C7orf78: variants seen among roughly 807,000 people sequenced by gnomAD.
The protein encoded by C7orf78 is chromosome 7 open reading frame 78.
chr7:12,511,641 G>A, the C7orf78 span, among the ~76,000 whole-genome samples: 4 of 152,188 alleles, frequency 2.6e-5, no homozygotes, highest in East Asian at 7.7e-4. Context: ...AAATAAAATT[G>A]CCTTCTTGAT....
the C7orf78 span, among the ~76,000 whole-genome samples, chr7:12,494,614 G>A: frequency 1.2e-5 from 1 of 83,054 alleles, no homozygotes; most frequent in Admixed American, 1.3e-4. Flanking sequence ...CTCATGCATA[G>A]CCCTACTTTG....
At chr7:12,528,692 G>C in the C7orf78 span, among the ~76,000 whole-genome samples, 1 of 152,160 alleles carries the variant, frequency 6.6e-6, no homozygotes, top group Non-Finnish European at 1.5e-5. Flanking sequence ...ATAAAAGGTG[G>C]GATTGGAGTT....
chr7:12,493,103 G>A, the C7orf78 span, among the ~76,000 whole-genome samples: 20 of 152,282 alleles, frequency 1.3e-4, no homozygotes, highest in African/African-American at 4.6e-4. Flanking sequence ...CTTGGGGACT[G>A]AGGTGAGAGA....
the C7orf78 span, among the ~76,000 whole-genome samples, chr7:12,489,471 T>C: frequency 1.3e-5 from 2 of 152,160 alleles, no homozygotes; most frequent in South Asian, 2.1e-4. Flanking sequence ...CAGTAGATCC[T>C]TTTAAATGTA....
chr7:12,525,718 G>A, the C7orf78 span: 217,014 of 386,402 alleles, frequency 0.56, 62,977 homozygotes, highest in African/African-American at 0.81. Context: ...TCAAAATTAC[G>A]TTTTACCAAG....
chr7:12,510,911 T>C, the C7orf78 span, among the ~76,000 whole-genome samples: 1 of 152,216 alleles, frequency 6.6e-6, no homozygotes, highest in Non-Finnish European at 1.5e-5. Flanking sequence ...ATTTGTCTAT[T>C]TTTGTTTTTG....
chr7:12,493,660 T>A, the C7orf78 span, among the ~76,000 whole-genome samples: 2 of 152,250 alleles, frequency 1.3e-5, no homozygotes, highest in African/African-American at 4.8e-5. Context: ...GTTTGCCTCC[T>A]GACCCAGCTG....
chr7:12,497,989 T>G, the C7orf78 span, among the ~76,000 whole-genome samples: 68 of 151,880 alleles, frequency 4.5e-4, no homozygotes, highest in Non-Finnish European at 9.3e-4. Flanking sequence ...CACCTCACAC[T>G]GCAGGGTACT....
At chr7:12,526,763 A>C in the C7orf78 span, among the ~76,000 whole-genome samples, 1 of 152,058 alleles carries the variant, frequency 6.6e-6, no homozygotes, top group Admixed American at 6.6e-5. Context: ...TAGCTGTGTA[A>C]TTGAAATGGA....
the C7orf78 span, among the ~76,000 whole-genome samples, chr7:12,534,293 T>C: frequency 6.6e-6 from 1 of 152,180 alleles, no homozygotes; most frequent in African/African-American, 2.4e-5. Flanking sequence ...TGTTCAGCCA[T>C]GAAAAATTCA....
At chr7:12,498,861 G>A in the C7orf78 span, among the ~76,000 whole-genome samples, 7 of 151,284 alleles carry the variant, frequency 4.6e-5, no homozygotes, top group East Asian at 1.4e-3. Context: ...TCAAAGGGAA[G>A]CCCATCAGAC....
the C7orf78 span, chr7:12,541,040 CTGCA>C: frequency 6.6e-6 from 1 of 152,208 alleles, no homozygotes; most frequent in East Asian, 1.9e-4. Context: ...CTACAGAAAT[CTGCA>C]CTCTCCCAGA....
chr7:12,534,814 T>C, the C7orf78 span, among the ~76,000 whole-genome samples: 2 of 151,990 alleles, frequency 1.3e-5, no homozygotes, highest in African/African-American at 4.8e-5. Context: ...ATTAGCCAGA[T>C]GTGGTAGTAC....
At chr7:12,532,643 A>T in the C7orf78 span, among the ~76,000 whole-genome samples, 1 of 152,176 alleles carries the variant, frequency 6.6e-6, no homozygotes, top group East Asian at 1.9e-4. Context: ...CACTATGAAT[A>T]GTCGAAGTTT....
the C7orf78 span, chr7:12,505,969 G>A: frequency 6.6e-6 from 1 of 152,278 alleles, no homozygotes; most frequent in African/African-American, 2.4e-5. Context: ...ATAGAGAAGT[G>A]AAACAAATTT....
the C7orf78 span, among the ~76,000 whole-genome samples, chr7:12,501,012 C>A: frequency 6.6e-6 from 1 of 151,586 alleles, no homozygotes; most frequent in Non-Finnish European, 1.5e-5. Flanking sequence ...CAGAAAAGGC[C>A]TTTGACAAAA....
At chr7:12,510,549 T>G in the C7orf78 span, among the ~76,000 whole-genome samples, 5 of 152,332 alleles carry the variant, frequency 3.3e-5, no homozygotes, top group South Asian at 1.0e-3. Flanking sequence ...CATAGTTTCC[T>G]TTTTTCTATA....
At chr7:12,507,240 G>T in the C7orf78 span, 2 of 168,078 alleles carry the variant, frequency 1.2e-5, no homozygotes, top group African/African-American at 4.9e-5. Context: ...CCCAGGAGGC[G>T]GAGGTTGCAG....
the C7orf78 span, chr7:12,542,066 T>C: frequency 6.6e-6 from 1 of 152,178 alleles, no homozygotes; most frequent in Non-Finnish European, 1.5e-5. Flanking sequence ...TGATTATAAT[T>C]GAAAATTAAT....
Sources: gnomAD v4.1 joint callset for allele counts (sites outside exome capture counted in the v4.1 genomes callset) on GRCh38, gnomAD v4.1.1 for gene constraint, MANE v1.5 for transcripts, NCBI Gene and HGNC (gene_info 2026-07-23, HGNC 2026-07-21) for gene names.